The following STPG2 variants were observed in gnomAD, a reference collection of about 807,000 sequenced individuals.
STPG2 encodes the protein sperm-tail PG-rich repeat-containing protein 2.
In STPG2, 56 loss-of-function variants were observed where a neutral mutation model predicts 54.2. The ratio of observed to expected loss-of-function variants is 1.03; its 90% CI spans 0.83 to 1.29. STPG2 has a LOEUF of 1.29. Among genes scored for constraint, STPG2 ranks in the 50% most tolerant of loss-of-function variants. STPG2 has a pLI of 0.00. For missense variants in STPG2, 596 were observed against 544.9 expected, an observed-to-expected ratio of 1.09 and a Z score of -0.93; for synonymous variants, 200 against 181.8, an observed-to-expected ratio of 1.10 and a Z score of -0.81.
chr4:97,490,789 G>T (rs774176123), intron 4 of STPG2, among the ~76,000 whole-genome samples: 60 of 151,440 alleles, frequency 4.0e-4, no homozygotes, highest in Non-Finnish European at 6.9e-4. Flanking sequence ...CCTTCAAAGA[G>T]CTTAGATTTA....
chr4:98,056,787 A>G (rs1441826252), intron 5 of STPG2, among the ~76,000 whole-genome samples: 2 of 152,006 alleles, frequency 1.3e-5, no homozygotes, highest in African/African-American at 2.4e-5. Flanking sequence ...TGTTCTCATG[A>G]TAGTGTGTAG....
intron 8 of STPG2, among the ~76,000 whole-genome samples, chr4:97,942,172 A>T (rs1257283027): frequency 1.5e-5 from 2 of 129,094 alleles, no homozygotes; most frequent in Non-Finnish European, 3.4e-5. Context: ...GTATCTATAC[A>T]TATATATACA....
intron 7 of STPG2, among the ~76,000 whole-genome samples, chr4:97,957,092 A>T (rs2149244885): frequency 6.6e-6 from 1 of 152,168 alleles, no homozygotes; most frequent in East Asian, 1.9e-4. Context: ...TGTGAAATAT[A>T]CATAGGTGAA....
intron 8 of STPG2, among the ~76,000 whole-genome samples, chr4:97,906,785 A>C (rs1473883673): frequency 6.6e-6 from 1 of 152,184 alleles, no homozygotes; most frequent in Non-Finnish European, 1.5e-5. Flanking sequence ...ATCTCAATAG[A>C]TGCAGAAAAG....
At chr4:98,100,662 CTT>C (rs1166820709) in intron 5 of STPG2, among the ~76,000 whole-genome samples, 6 of 116,794 alleles carry the variant, frequency 5.1e-5, no homozygotes, top group Non-Finnish European at 5.2e-5. Flanking sequence ...CTTTTTCTTT[CTT>C]TTTTTTTTTT....
intron 4 of STPG2, among the ~76,000 whole-genome samples, chr4:97,486,675 C>G (rs1730366606): frequency 2.0e-5 from 3 of 151,594 alleles, no homozygotes; most frequent in Admixed American, 6.6e-5. Flanking sequence ...AGTATCTACC[C>G]TGAAGAAAGG....
intron 5 of STPG2, among the ~76,000 whole-genome samples, chr4:98,002,223 G>A (rs1224536613): frequency 6.6e-6 from 1 of 151,940 alleles, no homozygotes; most frequent in Non-Finnish European, 1.5e-5. Flanking sequence ...CTGAAGTGCT[G>A]TATAGGAAAA....
rs1231958654 is a variant in STPG2, at chr4:97,987,931, A to ACAATCCGAGTCAGATTGTAT, written c.613-6633_613-6614dup. ...TAGCAGCCAGTGAAGCAGCTGTTCC[A>ACAATCCGAGTCAGATTGTAT]CAATCCGAGTCAGATTGTATCACTC... On this transcript the variant is annotated intron_variant, in intron 5 of 10. Coordinates refer to ENST00000295268, the MANE Select transcript of STPG2 (RefSeq NM_174952.3). 3.3e-5 allele frequency among the ~76,000 whole-genome samples: 5 copies of ACAATCCGAGTCAGATTGTAT among 151,976 alleles called. No homozygotes were observed. The East Asian group carries it at 7.8e-4, about 24-fold the overall frequency.
intron 9 of STPG2, among the ~76,000 whole-genome samples, chr4:97,777,818 G>C (rs144052643): frequency 6.6e-6 from 1 of 152,168 alleles, no homozygotes; most frequent in Non-Finnish European, 1.5e-5. Flanking sequence ...TTCATTCATA[G>C]TGGATTAACC....
At chr4:97,966,048 G>C (rs1314417037) in intron 7 of STPG2, among the ~76,000 whole-genome samples, 2 of 152,172 alleles carry the variant, frequency 1.3e-5, no homozygotes, top group Non-Finnish European at 2.9e-5. Flanking sequence ...GGCTTCAGAA[G>C]ATCAGTAAAA....
intron 9 of STPG2, among the ~76,000 whole-genome samples, chr4:97,747,108 G>A (rs990918762): frequency 6.6e-6 from 1 of 151,132 alleles, no homozygotes; most frequent in African/African-American, 2.4e-5. Flanking sequence ...TTAGCTGTAA[G>A]AAAGGATGGA....
intron 5 of STPG2, among the ~76,000 whole-genome samples, chr4:98,018,252 G>C (rs1037310388): frequency 3.3e-5 from 5 of 151,908 alleles, no homozygotes; most frequent in Admixed American, 6.6e-5. Flanking sequence ...CCACCTATGA[G>C]GGAGAACATG....
intron 8 of STPG2, among the ~76,000 whole-genome samples, chr4:97,931,797 AAT>A (rs1467139342): frequency 1.3e-5 from 2 of 152,012 alleles, no homozygotes; most frequent in Non-Finnish European, 2.9e-5. Flanking sequence ...AATTTTTTTT[AAT>A]AGTTTCTGTA....
chr4:97,855,261 T>C (rs76764223), intron 8 of STPG2, among the ~76,000 whole-genome samples: 387 of 152,288 alleles, frequency 2.5e-3, no homozygotes, highest in African/African-American at 8.8e-3. Context: ...TTATATTCAT[T>C]TAGGTATATT....
At chr4:97,976,133 T>C (rs1164287508) in intron 6 of STPG2, among the ~76,000 whole-genome samples, 1 of 152,230 alleles carries the variant, frequency 6.6e-6, no homozygotes, top group Non-Finnish European at 1.5e-5. Flanking sequence ...ATTCCAGTTC[T>C]AGTCTATTCC....
intron 5 of STPG2, among the ~76,000 whole-genome samples, chr4:98,001,021 A>G (rs1052582538): frequency 3.9e-5 from 6 of 152,148 alleles, no homozygotes; most frequent in African/African-American, 1.4e-4. Context: ...AGTTTTAACC[A>G]AACATGAAAT....
At chr4:97,805,268 G>A (rs28515641) in intron 9 of STPG2, among the ~76,000 whole-genome samples, 59,933 of 151,838 alleles carry the variant, frequency 0.39, 11,951 homozygotes, top group Middle Eastern at 0.46. Context: ...GTGCAGTGGC[G>A]CGATCTCCCC....
At chr4:97,480,545 AC>A (rs1730194266) in intron 4 of STPG2, among the ~76,000 whole-genome samples, 1 of 151,728 alleles carries the variant, frequency 6.6e-6, no homozygotes, top group African/African-American at 2.4e-5. Flanking sequence ...AATTATAAAA[AC>A]ATTATAATTC....
chr4:97,775,533 AAG>A (rs1309446432), intron 9 of STPG2, among the ~76,000 whole-genome samples: 1 of 152,240 alleles, frequency 6.6e-6, no homozygotes, highest in Non-Finnish European at 1.5e-5. Context: ...AATGGCAAAC[AAG>A]AGAGATACAA....
Sources: gnomAD v4.1 joint callset for allele counts (sites outside exome capture counted in the v4.1 genomes callset) on GRCh38, gnomAD v4.1.1 for gene constraint, MANE v1.5 for transcripts, NCBI Gene and HGNC (gene_info 2026-07-23, HGNC 2026-07-21) for gene names.